NDUFAF2: variants seen among roughly 807,000 people sequenced by gnomAD.
NDUFAF2 encodes NADH dehydrogenase [ubiquinone] 1 alpha subcomplex assembly factor 2.
In NDUFAF2, 13 loss-of-function variants were observed where a neutral mutation model predicts 22.8. The ratio of observed to expected loss-of-function variants is 0.57; its 90% CI spans 0.37 to 0.91. The LOEUF is 0.91. NDUFAF2 is among the 40% of genes least tolerant of loss of function. The pLI, the probability that NDUFAF2 is intolerant of heterozygous loss-of-function variation, is 0.01. For missense variants in NDUFAF2, 162 were observed against 195.2 expected (o/e 0.83, Z 1.01); for synonymous variants, 53 against 64.2 (o/e 0.83, Z 0.84).
At chr5:61,119,581 C>T (rs1486941487) in intron 3 of NDUFAF2, among the ~76,000 whole-genome samples, 2 of 152,142 alleles carry the variant, frequency 1.3e-5, no homozygotes, top group Admixed American at 6.6e-5. Context: ...GGTCAACATC[C>T]CATTTTTTTA....
chr5:60,998,694 A>AT lies in NDUFAF2; in HGVS notation c.127+53322dup, dbSNP rs1394304659. On this transcript the variant is annotated intron_variant, in intron 1 of 3. Coordinates refer to ENST00000296597, the MANE Select transcript of NDUFAF2 (RefSeq NM_174889.5). ...ATCCTGTTTTTCCTGTAAAAATTCC[A>AT]TTTTTTTTTTCTCCTTCCAACAGTA... Among the ~76,000 whole-genome samples, 803 of 148,866 alleles carry AT rather than the reference A, an allele frequency of 5.4e-3. 8 individuals are homozygous for AT. The highest frequency in any genetic ancestry group is 0.018 in the African/African-American group (748 of 40,692).
rs1421390594 is a variant in NDUFAF2 at position 61,073,206 on chromosome 5, A to G, written c.209A>G (p.Glu70Gly). 5.0e-6 allele frequency: 8 copies of G among 1,610,010 alleles called. No homozygotes were observed. The highest frequency in any genetic ancestry group is 1.6e-4 in the Middle Eastern group (1 of 6,070). ...VDYEAGDIPT[E>G]WEAWIRRTRK... is the part of the protein sequence containing the mutation. ...TATGAAGCAGGGGATATTCCAACAG[A>G]ATGGGAAGGTAAGTTTCTGCTTTTA... The change falls in exon 2 of 4, where the codon GAA becomes GGA. Residue 70 changes from glutamate (E) to glycine (G), a missense_variant. Coordinates refer to ENST00000296597, the MANE Select transcript of NDUFAF2 (RefSeq NM_174889.5).
chr5:61,099,125 T>C, intron 3 of NDUFAF2, 93 bp downstream of exon 3: 1 of 757,134 alleles, frequency 1.3e-6, no homozygotes, highest in Non-Finnish European at 2.1e-6. Flanking sequence ...TCTCAAAGTG[T>C]TGATTTTATT....
intron 1 of NDUFAF2, among the ~76,000 whole-genome samples, chr5:60,996,768 G>A (rs951567068): frequency 2.0e-5 from 3 of 152,100 alleles, no homozygotes; most frequent in Non-Finnish European, 4.4e-5. Flanking sequence ...CTCTGTAGGC[G>A]GGCTTAGCTC....
intron 1 of NDUFAF2, among the ~76,000 whole-genome samples, chr5:61,004,960 TA>T (rs1429363974): frequency 6.6e-6 from 1 of 152,072 alleles, no homozygotes; most frequent in African/African-American, 2.4e-5. Flanking sequence ...TATTATAGTT[TA>T]AGTTCTAGGG....
chr5:60,999,222 G>A (rs290504), intron 1 of NDUFAF2, among the ~76,000 whole-genome samples: 22,513 of 151,822 alleles, frequency 0.15, 2,121 homozygotes, highest in South Asian at 0.28. Context: ...CCACTCCTAG[G>A]TATATACAAA....
chr5:61,011,098 AAAAAT>A (rs1751437295), intron 1 of NDUFAF2, among the ~76,000 whole-genome samples: 1 of 152,166 alleles, frequency 6.6e-6, no homozygotes, highest in South Asian at 2.1e-4. Context: ...TATGTGAGAG[AAAAAT>A]AAATATCTCT....
chr5:61,007,300 G>GT (rs1277055944), intron 1 of NDUFAF2, among the ~76,000 whole-genome samples: 1 of 151,918 alleles, frequency 6.6e-6, no homozygotes, highest in African/African-American at 2.4e-5. Flanking sequence ...TGTATAAGGT[G>GT]TAAGGAAGGG....
In NDUFAF2 at chr5:61,008,842, G is replaced by T. The variant is rs568974963; in HGVS notation, c.127+63460G>T. Among the ~76,000 whole-genome samples, 20 of 152,030 alleles carry T rather than the reference G, an allele frequency of 1.3e-4. No individual in the cohort carries two copies. In the East Asian group the frequency reaches 1.4e-3, roughly 10 times the overall value. ...GCTCTGTAGAAGAAATATTGACTAG[G>T]GCCTTGAAGGATGAGGTTTGCTTTT... is the stretch of plus-strand genomic sequence containing the variant. On this transcript the variant is annotated intron_variant, in intron 1 of 3. Coordinates refer to ENST00000296597, the MANE Select transcript of NDUFAF2 (RefSeq NM_174889.5).
intron 1 of NDUFAF2, among the ~76,000 whole-genome samples, chr5:60,984,851 TTC>T (rs1491479015): frequency 6.6e-6 from 1 of 151,374 alleles, no homozygotes; most frequent in Non-Finnish European, 1.5e-5. Flanking sequence ...TGGTGTAAAA[TTC>T]TCTTTTTTTG....
chr5:60,979,823 A>T (rs1032385322), intron 1 of NDUFAF2, among the ~76,000 whole-genome samples: 6 of 152,138 alleles, frequency 3.9e-5, no homozygotes, highest in Admixed American at 1.3e-4. Flanking sequence ...GAGAACATAG[A>T]TGGGGTAGCC....
At chr5:61,084,661 C>CT (rs1328324116) in intron 2 of NDUFAF2, among the ~76,000 whole-genome samples, 10 of 152,194 alleles carry the variant, frequency 6.6e-5, no homozygotes, top group Non-Finnish European at 2.9e-5. Flanking sequence ...AATTTCATTC[C>CT]TTTTTTGGGC....
At chr5:61,095,009 G>A (rs1752620470) in intron 2 of NDUFAF2, among the ~76,000 whole-genome samples, 1 of 152,192 alleles carries the variant, frequency 6.6e-6, no homozygotes, top group African/African-American at 2.4e-5. Context: ...GCTGTGCTGG[G>A]ATACCGCTTC....
At chr5:61,110,096 T>C (rs1486382374) in intron 3 of NDUFAF2, among the ~76,000 whole-genome samples, 4 of 152,106 alleles carry the variant, frequency 2.6e-5, no homozygotes, top group Non-Finnish European at 5.9e-5. Context: ...CATCCTTCTG[T>C]TGATATGATT....
At position 61,152,685 on chromosome 5, in the gene NDUFAF2, C is replaced by A; in HGVS notation, c.259-19C>A. On this transcript the variant is annotated intron_variant, in intron 3 of 3. Transcript: ENST00000296597. ...TAACTAGAAATTTAATAATTTCTTC[C>A]ATTTATATATACATGCAGGAAATAC... 4 of 1,446,478 alleles carry A rather than the reference C, an allele frequency of 2.8e-6. No individual in the cohort carries two copies. Among genetic ancestry groups the A allele is most frequent in the South Asian group, 3.0e-5 (2 of 67,610 alleles). 89.6% of individuals were successfully genotyped at this position (1,446,478 alleles called of 1,614,324 possible).
At chr5:60,972,920 C>A (rs1019179560) in intron 1 of NDUFAF2, among the ~76,000 whole-genome samples, 1 of 150,570 alleles carries the variant, frequency 6.6e-6, no homozygotes, top group Non-Finnish European at 1.5e-5. Context: ...CTATTACTAT[C>A]TCATTTGTTA....
chr5:60,981,125 C>A (rs1750971894), intron 1 of NDUFAF2, among the ~76,000 whole-genome samples: 1 of 151,970 alleles, frequency 6.6e-6, no homozygotes, highest in Non-Finnish European at 1.5e-5. Flanking sequence ...ATAAGACTAC[C>A]TGAAGACATT....
intron 3 of NDUFAF2, among the ~76,000 whole-genome samples, chr5:61,138,862 G>T (rs147930629): frequency 6.6e-6 from 1 of 152,270 alleles, no homozygotes; most frequent in African/African-American, 2.4e-5. Context: ...CCTTAAGTTA[G>T]CCCTCTGAGC....
chr5:60,968,835 A>G (rs1034896424), intron 1 of NDUFAF2, among the ~76,000 whole-genome samples: 1 of 151,900 alleles, frequency 6.6e-6, no homozygotes, highest in Non-Finnish European at 1.5e-5. Flanking sequence ...CCACTTAACC[A>G]TCTCCACTTC....
Sources: gnomAD v4.1 joint callset for allele counts (sites outside exome capture counted in the v4.1 genomes callset) on GRCh38, gnomAD v4.1.1 for gene constraint, MANE v1.5 for transcripts, NCBI Gene and HGNC (gene_info 2026-07-23, HGNC 2026-07-21) for gene names.